Variants in SSR3 observed in about 807,000 individuals in gnomAD.
SSR3 encodes the protein signal sequence receptor subunit 3.
In SSR3, 10 loss-of-function variants were observed where a neutral mutation model predicts 22.1. The ratio of observed to expected loss-of-function variants is 0.45; its 90% confidence interval spans 0.28 to 0.77. The LOEUF is 0.77. Ranked by LOEUF, SSR3 falls within the 30% of genes least tolerant of loss-of-function variation. The pLI, the probability that SSR3 is intolerant of heterozygous loss-of-function variation, is 0.13. For synonymous variants in SSR3, 104 were observed against 82.5 expected (o/e 1.26, Z -1.42); for missense variants, 181 against 220.5 (o/e 0.82, Z 1.13).
rs987853394 is a variant in SSR3 at position 156,540,969 on chromosome 3, A to G, written c.*2234T>C. On this transcript the variant is annotated 3_prime_UTR_variant, in exon 5 of 5. Transcript: ENST00000265044. The stretch of plus-strand genomic sequence containing the variant: ...TAACGAAAACTACTGAACTGTGAGT[A>G]TATGCTTTATAATCTTATGCACAGA... 6.6e-6 allele frequency: 1 copy of G among 152,232 alleles called. No homozygotes were observed. The highest frequency in any genetic ancestry group is 1.5e-5 in the Non-Finnish European group (1 of 68,038). The allele number at this position is 152,232 out of a possible 1,614,324, so 9.4% of individuals were successfully genotyped here.
In SSR3 at chr3:156,554,985, G is replaced by A; in HGVS notation, c.105C>T (p.Asn35=). The A allele has an allele frequency of 1.2e-6, 2 of 1,613,998 alleles. No homozygotes were observed. The highest frequency in any genetic ancestry group is 3.3e-5 in the Admixed American group (2 of 60,026). Residue 35 remains asparagine, a synonymous_variant, in exon 1 of 5, where the codon AAC becomes AAT. Coordinates refer to ENST00000265044, the MANE Select transcript of SSR3 (RefSeq NM_007107.5). ...SAKSSALFFG[N]AFIVSAIPIW... is the part of the protein sequence containing the mutation. ...TGGGGATGGCAGACACGATGAACGC[G>A]TTTCCGAAGAAGAGCGCGGAGGACT...
At chr3:156,549,706 C>T (rs141270089) in intron 2 of SSR3, among the ~76,000 whole-genome samples, 12 of 152,176 alleles carry the variant, frequency 7.9e-5, no homozygotes, top group South Asian at 2.1e-4. Flanking sequence ...AAAAAGAAAA[C>T]GTTTAGTCAG....
At position 156,548,762 on chromosome 3, in the gene SSR3, T is replaced by C. The variant is rs1477786613; in HGVS notation, c.359+143A>G. 4 of 962,450 alleles carry C rather than the reference T, an allele frequency of 4.2e-6. No individual in the cohort carries two copies. The African/African-American group carries it at 5.0e-5, about 12-fold the overall frequency. 59.6% of individuals were successfully genotyped at this position (962,450 alleles called of 1,614,324 possible). A position where few individuals can be genotyped will look rare whatever the true frequency, so the allele number is the denominator to read the frequency against. On this transcript the variant is annotated intron_variant, in intron 3 of 4. Transcript: ENST00000265044. ...TAATAAAAACTCTAAAAGTCAGCTA[T>C]TACTATTTCCATTACTACTACTACT... is the stretch of plus-strand genomic sequence containing the variant.
intron 3 of SSR3, among the ~76,000 whole-genome samples, chr3:156,545,779 G>A (rs1351927997): frequency 6.6e-6 from 1 of 152,152 alleles, no homozygotes; most frequent in Admixed American, 6.5e-5. Context: ...TAATTTCATA[G>A]AAGTTTAAAT....
At chr3:156,551,776 G>C (rs1023530574) in intron 2 of SSR3, among the ~76,000 whole-genome samples, 67 of 152,166 alleles carry the variant, frequency 4.4e-4, no homozygotes, top group African/African-American at 1.4e-3. Context: ...AATCAGGAAG[G>C]ATTTCTCTGG....
At chr3:156,547,825 G>A (rs780780084) in intron 3 of SSR3, among the ~76,000 whole-genome samples, 3 of 152,104 alleles carry the variant, frequency 2.0e-5, no homozygotes, top group East Asian at 3.9e-4. Flanking sequence ...GCTGCTTCTC[G>A]TCAGACAATG....
At chr3:156,553,898 T>G (rs1348307481) in intron 1 of SSR3, 117 bp from the exon 2 acceptor site, 11 of 1,010,146 alleles carry the variant, frequency 1.1e-5, no homozygotes, top group African/African-American at 1.7e-5. Context: ...TTATTAGTTA[T>G]GCAATCCAAT....
intron 2 of SSR3, among the ~76,000 whole-genome samples, chr3:156,550,343 T>C (rs756879338): frequency 1.1e-4 from 16 of 152,222 alleles, no homozygotes; most frequent in Admixed American, 7.8e-4. Flanking sequence ...TATGTGTCTT[T>C]AGGACGAACA....
At position 156,543,186 on chromosome 3, in the gene SSR3, G is replaced by C; in HGVS notation, c.*17C>G. On this transcript the variant is annotated 3_prime_UTR_variant, in exon 5 of 5. Transcript: ENST00000265044. ...GCCACCCATAGACACAAAGCCAGGG[G>C]GTGAAGCTGACATGGTCTATTTGGA... 1 of 1,612,236 alleles carries C rather than the reference G, an allele frequency of 6.2e-7. No individual in the cohort carries two copies. Among genetic ancestry groups the C allele is most frequent in the Non-Finnish European group, 8.5e-7 (1 of 1,179,062 alleles).
intron 3 of SSR3, among the ~76,000 whole-genome samples, chr3:156,548,522 GCAGA>G (rs1389310458): frequency 1.3e-5 from 2 of 152,184 alleles, no homozygotes; most frequent in Admixed American, 6.5e-5. Flanking sequence ...CTCAATTCCA[GCAGA>G]CAGTTACAAG....
chr3:156,547,962 G>C (rs746253934), intron 3 of SSR3, among the ~76,000 whole-genome samples: 1 of 152,104 alleles, frequency 6.6e-6, no homozygotes, highest in Non-Finnish European at 1.5e-5. Context: ...AATGGTTTCT[G>C]GTCCTTTAAA....
Position 156,541,514 on chromosome 3 carries a change from G to C in SSR3, c.*1689C>G, listed in dbSNP as rs188732014. On this transcript the variant is annotated 3_prime_UTR_variant, in exon 5 of 5. Coordinates refer to ENST00000265044, the MANE Select transcript of SSR3 (RefSeq NM_007107.5). ...CCGCAACCTCTGCCTCCTGGGTTCA[G>C]GCAGTTCTCCTGCTTCAGCCTCCCA... The C allele has an allele frequency of 6.6e-6, 1 of 152,150 alleles. No individual in the cohort carries two copies. The highest frequency in any genetic ancestry group is 1.9e-4 in the East Asian group (1 of 5,180). 9.4% of individuals were successfully genotyped at this position (152,150 alleles called of 1,614,324 possible).
intron 2 of SSR3, among the ~76,000 whole-genome samples, chr3:156,552,293 G>A (rs1387833343): frequency 6.9e-6 from 1 of 144,366 alleles, no homozygotes; most frequent in Non-Finnish European, 1.5e-5. Context: ...AACAGAGTGA[G>A]AGTCTGTCTC....
Position 156,540,830 on chromosome 3 carries a change from C to T in SSR3, c.*2373G>A, listed in dbSNP as rs1719444726. 6.6e-6 allele frequency: 1 copy of T among 152,056 alleles called. No individual in the cohort carries two copies. The highest frequency in any genetic ancestry group is 1.5e-5 in the Non-Finnish European group (1 of 68,010). The allele number at this position is 152,056 out of a possible 1,614,324, so 9.4% of individuals were successfully genotyped here. On this transcript the variant is annotated 3_prime_UTR_variant, in exon 5 of 5. Transcript: ENST00000265044. ...ACAAAAATTCTACAGCATGGTTTTACTAAGTCAGATTGAGTAGGTCGCATC... is the reference window on the plus strand; with the variant it reads ...ACAAAAATTCTACAGCATGGTTTTATTAAGTCAGATTGAGTAGGTCGCATC...
rs1306433587 is a variant in SSR3 at position 156,542,809 on chromosome 3, AGTT to A, written c.*391_*393del. The A allele has an allele frequency of 1.1e-5, 2 of 174,010 alleles. No homozygotes were observed. Among genetic ancestry groups the A allele is most frequent in the East Asian group, 3.1e-4 (2 of 6,498 alleles). 10.8% of individuals were successfully genotyped at this position (174,010 alleles called of 1,614,324 possible). A position where few individuals can be genotyped will look rare whatever the true frequency, so the allele number is the denominator to read the frequency against. On this transcript the variant is annotated 3_prime_UTR_variant, in exon 5 of 5. Coordinates refer to ENST00000265044, the MANE Select transcript of SSR3 (RefSeq NM_007107.5). ...ATTCTGATATTTACGGTTCAAAAGA[AGTT>A]GTAATATTGTGCTTGGAACACAGAG... is the stretch of plus-strand genomic sequence containing the variant.
rs1719606985 is a variant in SSR3, at chr3:156,542,679, T to A, written c.*524A>T. 1 of 152,364 alleles carries A rather than the reference T, an allele frequency of 6.6e-6. No individual in the cohort carries two copies. The highest frequency in any genetic ancestry group is 2.4e-5 in the African/African-American group (1 of 41,470). The allele number at this position is 152,364 out of a possible 1,614,324, so 9.4% of individuals were successfully genotyped here. ...TTCCACAAGTTTCTCTTCCTCTAGT[T>A]GGAAAATTAGAGAAATCATGTTTTT... On this transcript the variant is annotated 3_prime_UTR_variant, in exon 5 of 5. Transcript: ENST00000265044.
chr3:156,547,975 T>C (rs772464181), intron 3 of SSR3, among the ~76,000 whole-genome samples: 1 of 152,214 alleles, frequency 6.6e-6, no homozygotes, highest in Non-Finnish European at 1.5e-5. Flanking sequence ...CCTTTAAAAG[T>C]GTGTTACTTG....
At chr3:156,548,584 A>G (rs570093235) in intron 3 of SSR3, among the ~76,000 whole-genome samples, 1 of 152,306 alleles carries the variant, frequency 6.6e-6, no homozygotes, top group Admixed American at 6.5e-5. Context: ...TGGATCTACC[A>G]TGTACTAATT....
chr3:156,551,368 T>C (rs1719949464), intron 2 of SSR3: 1 of 152,126 alleles, frequency 6.6e-6, no homozygotes, highest in South Asian at 2.1e-4. Context: ...GGGACTGAGT[T>C]CCAAGAGTAT....
Sources: gnomAD v4.1 joint callset for allele counts (sites outside exome capture counted in the v4.1 genomes callset) on GRCh38, gnomAD v4.1.1 for gene constraint, MANE v1.5 for transcripts, NCBI Gene and HGNC (gene_info 2026-07-23, HGNC 2026-07-21) for gene names.